TP63: variants seen among roughly 807,000 people sequenced by gnomAD.
TP63 encodes the protein tumor protein 63.
In TP63, 17 loss-of-function variants were observed where a neutral mutation model predicts 82.8. The observed-to-expected ratio is 0.21, with a 90% CI of 0.14 to 0.31. The LOEUF is 0.31. Ranked by LOEUF, TP63 falls within the 10% of genes least tolerant of loss-of-function variation. The probability of loss-of-function intolerance (pLI) is 1.00; values close to 1 mark genes in which losing one functional copy is unlikely to be tolerated. For synonymous variants in TP63, 330 were observed against 321.7 expected (o/e 1.03, Z -0.28); for missense variants, 648 against 895.3 (o/e 0.72, Z 3.52).
intron 4 of TP63, among the ~76,000 whole-genome samples, chr3:189,844,577 C>T (rs752888692): frequency 1.2e-4 from 19 of 152,100 alleles, no homozygotes; most frequent in Non-Finnish European, 2.4e-4. Context: ...CCACTGCACC[C>T]GGCCAACACT....
the TP63 span, among the ~76,000 whole-genome samples, chr3:189,603,308 C>T: frequency 3.0e-4 from 46 of 152,206 alleles, no homozygotes; most frequent in African/African-American, 1.1e-3. Context: ...CTTTCTGGGC[C>T]TCTCTCTTCT....
rs577718615 is a variant in TP63 at position 189,656,048 on chromosome 3, A to G, written c.62+24471A>G. ...TGCCTTAGTAAGAAAGAAAAATAAC[A>G]TAATCAACAAGATTGTATAATAATT... On this transcript the variant is annotated intron_variant, in intron 1 of 13. Transcript: ENST00000264731. 1.0e-3 allele frequency among the ~76,000 whole-genome samples: 152 copies of G among 152,332 alleles called. 2 individuals are homozygous for G. The highest frequency in any genetic ancestry group is 6.8e-3 in the Middle Eastern group (2 of 294).
the TP63 span, among the ~76,000 whole-genome samples, chr3:189,603,761 A>G: frequency 5.3e-5 from 8 of 151,044 alleles, no homozygotes; most frequent in African/African-American, 1.9e-4. Flanking sequence ...ACCTTTAAGT[A>G]TTAAACTACT....
At chr3:189,832,433 A>G (rs1443622797) in intron 4 of TP63, among the ~76,000 whole-genome samples, 1 of 152,192 alleles carries the variant, frequency 6.6e-6, no homozygotes, top group Non-Finnish European at 1.5e-5. Context: ...ACTCAAGTAC[A>G]ATAGCTGCAG....
rs1720787963 is a variant in TP63 at position 189,889,414 on chromosome 3, C to T, written c.1582C>T (p.Pro528Ser). 4 of 1,614,136 alleles carry T rather than the reference C, an allele frequency of 2.5e-6. No homozygotes were observed. Among genetic ancestry groups the T allele is most frequent in the African/African-American group, 2.7e-5 (2 of 75,058 alleles). ...GLSPTQALPP[P>S]LSMPSTSHCT... ...CAGCCCCACCCAGGCACTCCCTCCC[C>T]CACTCTCCATGCCATCCACCTCCCA... The change falls in exon 12 of 14, where the codon CCA becomes TCA. Residue 528 changes from proline (P) to serine (S), a missense_variant. Pro to Ser is a moderately conservative substitution (Grantham distance 74, BLOSUM62 -1). This residue lies in a region of TP63 where 342 missense variants were observed against 425.7 expected (regional missense o/e 0.80). Coordinates refer to ENST00000264731, the MANE Select transcript of TP63 (RefSeq NM_003722.5).
chr3:189,751,350 G>T (rs1462910860), intron 3 of TP63, among the ~76,000 whole-genome samples: 5 of 152,192 alleles, frequency 3.3e-5, no homozygotes, highest in Admixed American at 3.3e-4. Flanking sequence ...TGGGACCGCT[G>T]GGTCAAATGG....
chr3:189,723,299 G>A (rs539301072), intron 1 of TP63, among the ~76,000 whole-genome samples: 152 of 152,284 alleles, frequency 1.0e-3, no homozygotes, highest in Non-Finnish European at 7.4e-4. Flanking sequence ...GGACTCTGAA[G>A]CCATATCCTT....
chr3:189,876,595 A>G (rs1190563894), intron 10 of TP63, among the ~76,000 whole-genome samples: 5 of 152,146 alleles, frequency 3.3e-5, no homozygotes, highest in Non-Finnish European at 5.9e-5. Flanking sequence ...TAACTTGTGC[A>G]TGGAAATCTA....
chr3:189,763,365 C>T (rs1187669483), intron 3 of TP63, among the ~76,000 whole-genome samples: 2 of 152,166 alleles, frequency 1.3e-5, no homozygotes, highest in Non-Finnish European at 2.9e-5. Flanking sequence ...TAATGTAGAG[C>T]ATGATATATT....
At chr3:189,828,200 C>T (rs1048643594) in intron 4 of TP63, among the ~76,000 whole-genome samples, 2 of 151,090 alleles carry the variant, frequency 1.3e-5, no homozygotes, top group Admixed American at 6.6e-5. Context: ...GAGATCGTGC[C>T]GCTGTGCTCC....
chr3:189,753,910 A>T (rs955401434), intron 3 of TP63, among the ~76,000 whole-genome samples: 1 of 152,130 alleles, frequency 6.6e-6, no homozygotes, highest in African/African-American at 2.4e-5. Flanking sequence ...TACAAATTCA[A>T]ATGGAAGGTA....
intron 1 of TP63, among the ~76,000 whole-genome samples, chr3:189,633,726 A>G (rs1379740483): frequency 6.6e-6 from 1 of 152,112 alleles, no homozygotes; most frequent in African/African-American, 2.4e-5. Flanking sequence ...TTATTTGCCT[A>G]ATAAATAATT....
intron 4 of TP63, among the ~76,000 whole-genome samples, chr3:189,811,996 T>C (rs1255710917): frequency 6.6e-6 from 1 of 152,218 alleles, no homozygotes; most frequent in Non-Finnish European, 1.5e-5. Flanking sequence ...TTTTTCAAAA[T>C]AAAATGCTGC....
intron 3 of TP63, among the ~76,000 whole-genome samples, chr3:189,748,508 C>CAAAAAAAAAAAAAAAAAAAAAAA (rs58926854): frequency 3.2e-5 from 1 of 31,258 alleles, no homozygotes; most frequent in African/African-American, 1.3e-4. Context: ...AGGAAAACTA[C>CAAAAAAAAAAAAAAAAAAAAAAA]AAAAAAAAAA....
chr3:189,713,853 A>G (rs78501539), intron 1 of TP63, among the ~76,000 whole-genome samples: 13,489 of 152,066 alleles, frequency 0.089, 821 homozygotes, highest in Non-Finnish European at 0.13. Context: ...ATATAATAAA[A>G]TAAGTAGCAA....
chr3:189,597,566 A>C, the TP63 span, among the ~76,000 whole-genome samples: 3 of 152,236 alleles, frequency 2.0e-5, no homozygotes. Context: ...ACCTTAGAGA[A>C]ATAGGTAGAT....
At chr3:189,873,670 G>C (rs938425) in intron 10 of TP63, 15,161 of 154,256 alleles carry the variant, frequency 0.098, 1,367 homozygotes, top group East Asian at 0.37. Flanking sequence ...TATATGTTAA[G>C]CTTTGCCTTG....
At chr3:189,611,234 A>T in the TP63 span, among the ~76,000 whole-genome samples, 4 of 152,238 alleles carry the variant, frequency 2.6e-5, no homozygotes, top group South Asian at 6.2e-4. Flanking sequence ...TATGTCCAGG[A>T]TGGTATTGCC....
intron 3 of TP63, among the ~76,000 whole-genome samples, chr3:189,763,427 A>G (rs1722725689): frequency 6.6e-6 from 1 of 152,206 alleles, no homozygotes; most frequent in Non-Finnish European, 1.5e-5. Flanking sequence ...GATGCTTGCT[A>G]AACTGGAGGC....
Sources: allele counts gnomAD v4.1 joint callset (sites outside exome capture counted in the v4.1 genomes callset), GRCh38; gene constraint gnomAD v4.1.1; regional missense constraint gnomAD v4.1.1; transcripts MANE v1.5; gene names NCBI Gene and HGNC (gene_info 2026-07-23, HGNC 2026-07-21).